Variants in CNTNAP5 observed in about 807,000 individuals in gnomAD.
The protein encoded by CNTNAP5 is contactin associated protein family member 5.
Under a neutral mutation model 150.2 loss-of-function variants are expected in CNTNAP5, and 72 were observed. That is an observed-to-expected ratio of 0.48 (90% CI 0.40 to 0.58). The LOEUF is 0.58. CNTNAP5 is among the 20% of genes least tolerant of loss of function. The pLI is 0.00. For missense variants in CNTNAP5, 1,636 were observed against 1,626.2 expected (o/e 1.01, Z -0.10); for synonymous variants, 672 against 619.8 (o/e 1.08, Z -1.25).
intron 7 of CNTNAP5, among the ~76,000 whole-genome samples, chr2:124,497,367 C>T (rs910540961): frequency 5.9e-5 from 9 of 152,178 alleles, no homozygotes; most frequent in African/African-American, 2.2e-4. Context: ...TTCACTTTAG[C>T]ATAACCTATT....
Position 124,742,474 on chromosome 2 carries a change from A to G in CNTNAP5, c.2078-4755A>G, listed in dbSNP as rs550056638. ...AGATCCTGAGAAGGTTCCAGCACTC[A>G]ATGCTGACATTGCGTTGTGCTATAG... On this transcript the variant is annotated intron_variant, in intron 13 of 23. Coordinates refer to ENST00000682447, the MANE Select transcript of CNTNAP5 (RefSeq NM_001367498.1). 2.6e-5 allele frequency among the ~76,000 whole-genome samples: 4 copies of G among 152,240 alleles called. No individual in the cohort carries two copies. In the East Asian group the frequency reaches 7.7e-4, roughly 29 times the overall value.
intron 3 of CNTNAP5, among the ~76,000 whole-genome samples, chr2:124,408,118 T>TGAC (rs1260201950): frequency 6.6e-6 from 1 of 151,890 alleles, no homozygotes; most frequent in Non-Finnish European, 1.5e-5. Context: ...AAGAAAGGGG[T>TGAC]GACGGAAGGC....
intron 10 of CNTNAP5, among the ~76,000 whole-genome samples, chr2:124,553,117 G>C (rs1695667171): frequency 6.6e-6 from 1 of 152,142 alleles, no homozygotes; most frequent in Non-Finnish European, 1.5e-5. Context: ...TGTGTCCATG[G>C]CATTGTGGCA....
intron 1 of CNTNAP5, among the ~76,000 whole-genome samples, chr2:124,186,111 G>C (rs1685327512): frequency 6.6e-6 from 1 of 152,198 alleles, no homozygotes; most frequent in African/African-American, 2.4e-5. Context: ...AGGGTCCTGA[G>C]TGGGCATGAG....
chr2:124,088,268 T>G (rs1682739776), intron 1 of CNTNAP5, among the ~76,000 whole-genome samples: 1 of 152,162 alleles, frequency 6.6e-6, no homozygotes, highest in South Asian at 2.1e-4. Flanking sequence ...TTTTTTTAGT[T>G]TTAATATTAT....
chr2:124,038,458 C>T (rs199711869), intron 1 of CNTNAP5, among the ~76,000 whole-genome samples: 1 of 152,096 alleles, frequency 6.6e-6, no homozygotes, highest in East Asian at 1.9e-4. Flanking sequence ...AGTCTTGCCT[C>T]TCTTCTGCAT....
intron 1 of CNTNAP5, among the ~76,000 whole-genome samples, chr2:124,147,281 T>G (rs935325556): frequency 3.3e-5 from 5 of 152,160 alleles, no homozygotes; most frequent in Admixed American, 2.6e-4. Context: ...TTCAGAGAAG[T>G]AATTCAATGC....
Position 124,731,714 on chromosome 2 carries a change from ATG to A in CNTNAP5, c.2078-15509_2078-15508del, listed in dbSNP as rs1381535159. Among the ~76,000 whole-genome samples the A allele has an allele frequency of 2.0e-5, 3 of 151,720 alleles. No individual in the cohort carries two copies. In the East Asian group the frequency reaches 5.8e-4, roughly 29 times the overall value. Reference sequence around the variant, plus strand: ...ATCATATAGGTGTTTATGTGTAAGAATGTGTGTATGGGTGTGCATGTATTTGT... The same window carrying A: ...ATCATATAGGTGTTTATGTGTAAGAATGTGTATGGGTGTGCATGTATTTGT... On this transcript the variant is annotated intron_variant, in intron 13 of 23. Coordinates refer to ENST00000682447, the MANE Select transcript of CNTNAP5 (RefSeq NM_001367498.1).
intron 1 of CNTNAP5, among the ~76,000 whole-genome samples, chr2:124,200,530 T>A (rs890398219): frequency 1.9e-4 from 29 of 151,056 alleles, no homozygotes; most frequent in African/African-American, 6.6e-4. Context: ...TGAATTGTGG[T>A]AAAAAAAAAC....
chr2:124,779,849 C>A (rs1282128340), intron 17 of CNTNAP5, among the ~76,000 whole-genome samples: 1 of 152,074 alleles, frequency 6.6e-6, no homozygotes, highest in East Asian at 1.9e-4. Context: ...CCTGGTACAC[C>A]CCCCTATCTC....
chr2:124,394,360 A>T (rs1691193478), intron 3 of CNTNAP5, among the ~76,000 whole-genome samples: 1 of 138,362 alleles, frequency 7.2e-6, no homozygotes, highest in Admixed American at 7.7e-5. Context: ...TGACAGAGTG[A>T]GACTCTGTCT....
chr2:124,659,948 A>C (rs1286587780), intron 13 of CNTNAP5, among the ~76,000 whole-genome samples: 1 of 152,054 alleles, frequency 6.6e-6, no homozygotes, highest in Non-Finnish European at 1.5e-5. Flanking sequence ...ACATTGTAGG[A>C]ATAAAACAGT....
At chr2:124,557,423 G>T (rs1695783708) in intron 10 of CNTNAP5, among the ~76,000 whole-genome samples, 1 of 152,124 alleles carries the variant, frequency 6.6e-6, no homozygotes, top group African/African-American at 2.4e-5. Flanking sequence ...ATAGTAAATG[G>T]GTGAAGGCCA....
At chr2:124,700,250 T>C (rs1439892425) in intron 13 of CNTNAP5, among the ~76,000 whole-genome samples, 1 of 152,192 alleles carries the variant, frequency 6.6e-6, no homozygotes, top group Non-Finnish European at 1.5e-5. Context: ...TCACATTTTG[T>C]TTACCCGTTC....
chr2:124,259,259 G>C (rs1687393124), intron 3 of CNTNAP5, among the ~76,000 whole-genome samples: 1 of 152,116 alleles, frequency 6.6e-6, no homozygotes, highest in Non-Finnish European at 1.5e-5. Flanking sequence ...GGCTATCATT[G>C]ATGGACATCT....
chr2:124,307,487 C>A (rs1028900138), intron 3 of CNTNAP5, among the ~76,000 whole-genome samples: 2 of 152,218 alleles, frequency 1.3e-5, no homozygotes, highest in Non-Finnish European at 2.9e-5. Context: ...TAGAACTCAT[C>A]TTGCTGGGCA....
chr2:124,534,243 A>G (rs1331821060), intron 10 of CNTNAP5, among the ~76,000 whole-genome samples: 2 of 152,132 alleles, frequency 1.3e-5, no homozygotes, highest in African/African-American at 4.8e-5. Context: ...AAACCTCCAG[A>G]GAGAGTTCTT....
chr2:124,696,876 A>ATAGC (rs2105085282), intron 13 of CNTNAP5, among the ~76,000 whole-genome samples: 1 of 152,310 alleles, frequency 6.6e-6, no homozygotes, highest in South Asian at 2.1e-4. Flanking sequence ...CAGATCTGGT[A>ATAGC]TAGCTAGTGT....
chr2:124,343,570 A>G (rs1297462668), intron 3 of CNTNAP5, among the ~76,000 whole-genome samples: 1 of 152,206 alleles, frequency 6.6e-6, no homozygotes, highest in East Asian at 1.9e-4. Context: ...TCATGTAGCC[A>G]GAGTGACAAT....
Sources: gnomAD v4.1 joint callset for allele counts (sites outside exome capture counted in the v4.1 genomes callset) on GRCh38, gnomAD v4.1.1 for gene constraint, MANE v1.5 for transcripts, NCBI Gene and HGNC (gene_info 2026-07-23, HGNC 2026-07-21) for gene names.